Variants in HOOK3 observed in about 807,000 individuals in gnomAD.
HOOK3 encodes the protein hook microtubule tethering protein 3.
In HOOK3, 24 loss-of-function variants were observed where a neutral mutation model predicts 116.3. The observed-to-expected ratio is 0.21, with a 90% CI of 0.15 to 0.29. The LOEUF (loss-of-function observed/expected upper bound fraction) is 0.29, where lower values mean the gene tolerates loss of function less well. Ranked by LOEUF, HOOK3 falls within the 10% of genes least tolerant of loss-of-function variation. HOOK3 has a pLI of 1.00. For missense variants in HOOK3, 632 were observed against 830.2 expected (o/e 0.76, Z 2.93); for synonymous variants, 275 against 283.0 (o/e 0.97, Z 0.28).
At position 42,919,070 on chromosome 8, in the gene HOOK3, C is replaced by T. The variant is rs536312417; in HGVS notation, c.144-6487C>T. Among the ~76,000 whole-genome samples, 56 of 149,158 alleles carry T rather than the reference C, an allele frequency of 3.8e-4. 2 individuals are homozygous for T. Among genetic ancestry groups the T allele is most frequent in the Admixed American group, 1.2e-3 (18 of 15,040 alleles). The stretch of plus-strand genomic sequence containing the variant: ...GCTGCCCCCCACCTCCCGGACGGGG[C>T]GGCTGGCCGGGCGGGGGCTGCCCCC... On this transcript the variant is annotated intron_variant, in intron 2 of 21. Coordinates refer to ENST00000307602, the MANE Select transcript of HOOK3 (RefSeq NM_032410.4).
chr8:42,930,987 A>G (rs1294608518), intron 4 of HOOK3, among the ~76,000 whole-genome samples: 1 of 152,160 alleles, frequency 6.6e-6, no homozygotes, highest in Non-Finnish European at 1.5e-5. Flanking sequence ...TTTAAAGGTG[A>G]TCACATCAGT....
chr8:42,910,081 G>A (rs1361590616), intron 2 of HOOK3, among the ~76,000 whole-genome samples: 1 of 152,166 alleles, frequency 6.6e-6, no homozygotes, highest in Non-Finnish European at 1.5e-5. Flanking sequence ...GATTTCAAAT[G>A]TTCTCACCAT....
At chr8:42,962,474 G>A (rs965961449) in intron 8 of HOOK3, among the ~76,000 whole-genome samples, 5 of 148,308 alleles carry the variant, frequency 3.4e-5, no homozygotes, top group Admixed American at 2.7e-4. Context: ...TGGTGTGATC[G>A]TGGCTCACTA....
chr8:42,994,480 CCCATAGATTTCG>C (rs1809227318), intron 15 of HOOK3: 3 of 386,770 alleles, frequency 7.8e-6, no homozygotes, highest in South Asian at 5.8e-5. Context: ...TTTGCTGTAT[CCCATAGATTTCG>C]GTATGTTGTG....
At chr8:42,946,536 A>G (rs117751455) in intron 5 of HOOK3, among the ~76,000 whole-genome samples, 2,321 of 152,010 alleles carry the variant, frequency 0.015, 32 homozygotes, top group Non-Finnish European at 0.022. Flanking sequence ...TTTTAAGCCC[A>G]AAGGTTTTTT....
Position 42,964,376 on chromosome 8 carries a change from C to T in HOOK3, c.681C>T (p.Leu227=), listed in dbSNP as rs2130421180. Residue 227 remains leucine, a synonymous_variant, in exon 9 of 22, where the codon CTC becomes CTT. Transcript: ENST00000307602. ...AGAATCAGGTATTAATGGAAAGACT[C>T]AATCAATCTGATTCTATAGAAGACC... The part of the protein sequence containing the change: ...LAENQVLMER[L]NQSDSIEDPN... 1.9e-6 allele frequency: 3 copies of T among 1,613,902 alleles called. No homozygotes were observed. The highest frequency in any genetic ancestry group is 4.5e-5 in the East Asian group (2 of 44,882).
intron 6 of HOOK3, among the ~76,000 whole-genome samples, chr8:42,956,223 C>CGTGTGTGTGTGTGTGTGTGTGTGTGTGT (rs61448463): frequency 1.3e-4 from 18 of 135,886 alleles, no homozygotes; most frequent in South Asian, 7.5e-4. Context: ...AGGATTAGGG[C>CGTGTGTGTGTGTGTGTGTGTGTGTGTGT]GTGTGTGTGT....
intron 16 of HOOK3, among the ~76,000 whole-genome samples, chr8:42,999,652 A>T (rs752774442): frequency 2.6e-5 from 4 of 152,196 alleles, no homozygotes; most frequent in Non-Finnish European, 5.9e-5. Context: ...CAGTCCTTTC[A>T]TGTGATCTTA....
intron 14 of HOOK3, among the ~76,000 whole-genome samples, chr8:42,985,583 T>G (rs986365074): frequency 2.7e-4 from 41 of 152,172 alleles, no homozygotes; most frequent in Admixed American, 1.3e-4. Context: ...TTTGTCTTCT[T>G]TTCCGTACAA....
At chr8:42,985,355 G>A (rs925948616) in intron 14 of HOOK3, among the ~76,000 whole-genome samples, 1 of 152,032 alleles carries the variant, frequency 6.6e-6, no homozygotes, top group Admixed American at 6.6e-5. Flanking sequence ...AATAAGTAAC[G>A]ATTTTAATGT....
rs537418827 is a variant in HOOK3 at position 42,917,537 on chromosome 8, A to C, written c.144-8020A>C. On this transcript the variant is annotated intron_variant, in intron 2 of 21. Coordinates refer to ENST00000307602, the MANE Select transcript of HOOK3 (RefSeq NM_032410.4). ...GGTTTAAAGGAGCTCCTTATGAATTACAAAAGACACTCCACTCAGGAAATT... is the reference window on the plus strand; with the variant it reads ...GGTTTAAAGGAGCTCCTTATGAATTCCAAAAGACACTCCACTCAGGAAATT... Among the ~76,000 whole-genome samples the C allele has an allele frequency of 5.9e-5, 9 of 152,354 alleles. No individual in the cohort carries two copies. In the South Asian group the frequency reaches 1.9e-3, roughly 32 times the overall value.
rs562233397 is a variant in HOOK3, at chr8:42,973,751, TA to T, written c.1234-351del. 3.9e-3 allele frequency among the ~76,000 whole-genome samples: 599 copies of T among 152,328 alleles called. 3 individuals carry two copies. The highest frequency in any genetic ancestry group is 6.8e-3 in the Middle Eastern group (2 of 294). On this transcript the variant is annotated intron_variant, in intron 12 of 21. Transcript: ENST00000307602. The stretch of plus-strand genomic sequence containing the variant: ...GTTGTTCAGCATATTTCAAATCTTT[TA>T]AAAATATTTCTACTTTTTCATGATT...
chr8:42,997,383 T>C (rs1809298723), intron 15 of HOOK3, among the ~76,000 whole-genome samples, 167 bp from the exon 16 acceptor site: 1 of 152,176 alleles, frequency 6.6e-6, no homozygotes, highest in African/African-American at 2.4e-5. Context: ...CCAAAAATAA[T>C]CAGAAAAGTA....
rs912245777 is a variant in HOOK3 at position 43,027,512 on chromosome 8, A to G, written c.*9014A>G. 2.0e-5 allele frequency: 8 copies of G among 401,892 alleles called. No individual in the cohort carries two copies. The highest frequency in any genetic ancestry group is 3.4e-4 in the Middle Eastern group (1 of 2,972). The allele number at this position is 401,892 out of a possible 1,614,324, so 24.9% of individuals were successfully genotyped here. A position where few individuals can be genotyped will look rare whatever the true frequency, so the allele number is the denominator to read the frequency against. Reference sequence around the variant, plus strand: ...CTGACGTGCTTTGCATGAGAAGCTCATCTAGAAGAGAGCAACGCTGGAATA... The same window carrying G: ...CTGACGTGCTTTGCATGAGAAGCTCGTCTAGAAGAGAGCAACGCTGGAATA... On this transcript the variant is annotated 3_prime_UTR_variant, in exon 22 of 22. Coordinates refer to ENST00000307602, the MANE Select transcript of HOOK3 (RefSeq NM_032410.4).
chr8:42,975,751 G>T (rs1563305282), intron 13 of HOOK3, among the ~76,000 whole-genome samples: 1 of 152,186 alleles, frequency 6.6e-6, no homozygotes, highest in East Asian at 1.9e-4. Context: ...TGTCACCCAG[G>T]CTGGAGTGCA....
intron 14 of HOOK3, among the ~76,000 whole-genome samples, chr8:42,985,718 C>G (rs780021670): frequency 7.9e-5 from 12 of 151,376 alleles, no homozygotes; most frequent in Non-Finnish European, 1.6e-4. Flanking sequence ...GCACTTCAGC[C>G]TGGGTGACAG....
intron 8 of HOOK3, among the ~76,000 whole-genome samples, chr8:42,962,246 C>G (rs903339809): frequency 6.7e-6 from 1 of 149,400 alleles, no homozygotes; most frequent in African/African-American, 2.5e-5. Context: ...CTAGGCTTGG[C>G]TAAAATTTTC....
intron 11 of HOOK3, among the ~76,000 whole-genome samples, chr8:42,968,620 G>A (rs570827182): frequency 1.2e-3 from 180 of 152,296 alleles, no homozygotes; most frequent in African/African-American, 4.2e-3. Flanking sequence ...GTGAGCCACT[G>A]TGAGCCACCA....
chr8:42,927,815 T>G (rs952222446), intron 3 of HOOK3, among the ~76,000 whole-genome samples: 1 of 152,106 alleles, frequency 6.6e-6, no homozygotes, highest in African/African-American at 2.4e-5. Flanking sequence ...ATATGCTCAG[T>G]CCGGTCTCGA....
Sources: gnomAD v4.1 joint callset for allele counts (sites outside exome capture counted in the v4.1 genomes callset) on GRCh38, gnomAD v4.1.1 for gene constraint, MANE v1.5 for transcripts, NCBI Gene and HGNC (gene_info 2026-07-23, HGNC 2026-07-21) for gene names.